Variants in GALNT13 observed in about 807,000 individuals in gnomAD.
GALNT13 encodes polypeptide N-acetylgalactosaminyltransferase 13, also known as UDP-GalNAc:polypeptide N-acetylgalactosaminyltransferase 13.
Under a neutral mutation model 64.2 loss-of-function variants are expected in GALNT13, and 28 were observed. The ratio of observed to expected loss-of-function variants is 0.44; its 90% CI spans 0.32 to 0.60. GALNT13 has a LOEUF of 0.60. Among genes scored for constraint, GALNT13 ranks in the 20% least tolerant of loss-of-function variants. The pLI, the probability that GALNT13 is intolerant of heterozygous loss-of-function variation, is 0.05. For synonymous variants in GALNT13, 214 were observed against 224.6 expected (o/e 0.95, Z 0.42); for missense variants, 577 against 669.8 (o/e 0.86, Z 1.53).
intron 9 of GALNT13, among the ~76,000 whole-genome samples, chr2:154,317,024 C>G (rs183379983): frequency 3.9e-4 from 59 of 152,012 alleles, no homozygotes; most frequent in African/African-American, 1.4e-3. Context: ...AGCAGCCTGG[C>G]CAACATGGTG....
chr2:153,387,288 T>C, the GALNT13 span, among the ~76,000 whole-genome samples: 2 of 152,088 alleles, frequency 1.3e-5, no homozygotes, highest in African/African-American at 4.8e-5. Context: ...ATGATCGACT[T>C]AAACAATAAG....
chr2:153,214,900 TA>T, the GALNT13 span, among the ~76,000 whole-genome samples: 1 of 152,204 alleles, frequency 6.6e-6, no homozygotes, highest in African/African-American at 2.4e-5. Flanking sequence ...GAAAATCACC[TA>T]AAAACTCTTG....
At chr2:154,025,150 T>C (rs1377811143) in intron 3 of GALNT13, among the ~76,000 whole-genome samples, 3 of 152,222 alleles carry the variant, frequency 2.0e-5, no homozygotes, top group East Asian at 3.9e-4. Context: ...ATGGACCCAC[T>C]TGAGGAGGCA....
chr2:154,022,144 G>T (rs951810632), intron 3 of GALNT13, among the ~76,000 whole-genome samples: 1 of 152,130 alleles, frequency 6.6e-6, no homozygotes, highest in African/African-American at 2.4e-5. Context: ...TGTTCATCAA[G>T]GATATTGGTC....
chr2:153,819,088 T>A, the GALNT13 span, among the ~76,000 whole-genome samples: 2 of 152,072 alleles, frequency 1.3e-5, no homozygotes, highest in African/African-American at 4.8e-5. Flanking sequence ...CATCTGATCA[T>A]TTCTCCCAGG....
chr2:153,737,195 G>A, the GALNT13 span, among the ~76,000 whole-genome samples: 2 of 152,172 alleles, frequency 1.3e-5, no homozygotes, highest in Non-Finnish European at 2.9e-5. Flanking sequence ...AAGGGAGAAA[G>A]GGTAATAGGA....
At chr2:153,354,624 T>C in the GALNT13 span, among the ~76,000 whole-genome samples, 887 of 152,288 alleles carry the variant, frequency 5.8e-3, 9 homozygotes, top group African/African-American at 0.02. Context: ...TCAGTAGTTA[T>C]GAGTCACTCT....
the GALNT13 span, among the ~76,000 whole-genome samples, chr2:153,712,591 G>A: frequency 2.0e-5 from 3 of 152,124 alleles, no homozygotes; most frequent in Non-Finnish European, 2.9e-5. Flanking sequence ...TTTTTGCCTG[G>A]TGATCTGTGT....
chr2:153,111,330 T>TA, the GALNT13 span, among the ~76,000 whole-genome samples: 20 of 150,578 alleles, frequency 1.3e-4, no homozygotes, highest in Non-Finnish European at 2.1e-4. Flanking sequence ...GTTTTCATTT[T>TA]AAAAAAAAAC....
At chr2:154,085,721 A>G (rs1701488219) in intron 3 of GALNT13, among the ~76,000 whole-genome samples, 2 of 151,994 alleles carry the variant, frequency 1.3e-5, no homozygotes, top group South Asian at 4.1e-4. Flanking sequence ...TTCATTCCTC[A>G]CTGACCGATT....
At chr2:153,424,888 T>C in the GALNT13 span, among the ~76,000 whole-genome samples, 4 of 151,828 alleles carry the variant, frequency 2.6e-5, no homozygotes, top group African/African-American at 2.4e-5. Flanking sequence ...TAACAAACCA[T>C]TGTTTATTCA....
the GALNT13 span, among the ~76,000 whole-genome samples, chr2:153,446,089 A>C: frequency 5.9e-5 from 9 of 152,336 alleles, no homozygotes; most frequent in African/African-American, 2.2e-4. Flanking sequence ...TTAAAAAAGA[A>C]TTAGAGTCTG....
the GALNT13 span, among the ~76,000 whole-genome samples, chr2:153,647,051 A>G: frequency 6.6e-6 from 1 of 152,182 alleles, no homozygotes; most frequent in African/African-American, 2.4e-5. Context: ...TGACTTCCAC[A>G]AAGGTTGAAC....
chr2:154,291,757 G>C (rs573249199), intron 8 of GALNT13, among the ~76,000 whole-genome samples: 1 of 152,260 alleles, frequency 6.6e-6, no homozygotes, highest in African/African-American at 2.4e-5. Context: ...ACAGCACAGC[G>C]GCCTGCTGAA....
intron 7 of GALNT13, among the ~76,000 whole-genome samples, chr2:154,252,395 A>G (rs113168435): frequency 0.021 from 3,140 of 150,190 alleles, 80 homozygotes; most frequent in African/African-American, 0.064. Context: ...TCGCTCTGTC[A>G]CCCAGGCTGG....
At chr2:154,009,639 A>G (rs375964674) in intron 3 of GALNT13, among the ~76,000 whole-genome samples, 1 of 151,804 alleles carries the variant, frequency 6.6e-6, no homozygotes, top group African/African-American at 2.4e-5. Context: ...TACATGTGCC[A>G]CCACCATGAC....
At chr2:154,055,063 G>T (rs1197279044) in intron 3 of GALNT13, among the ~76,000 whole-genome samples, 1 of 151,366 alleles carries the variant, frequency 6.6e-6, no homozygotes, top group Non-Finnish European at 1.5e-5. Context: ...GTTTGATCAA[G>T]AATCTAGGCT....
At chr2:153,537,450 C>T in the GALNT13 span, among the ~76,000 whole-genome samples, 3 of 152,154 alleles carry the variant, frequency 2.0e-5, no homozygotes, top group African/African-American at 7.2e-5. Flanking sequence ...AGTGCATCCT[C>T]TGTCTTGGGT....
At chr2:153,725,799 A>G in the GALNT13 span, among the ~76,000 whole-genome samples, 4 of 113,034 alleles carry the variant, frequency 3.5e-5, no homozygotes, top group East Asian at 1.1e-3. Flanking sequence ...TCATATGAAA[A>G]AAGAAGTGTT....
Sources: allele counts gnomAD v4.1 joint callset (sites outside exome capture counted in the v4.1 genomes callset), GRCh38; gene constraint gnomAD v4.1.1; transcripts MANE v1.5; gene names NCBI Gene and HGNC (gene_info 2026-07-23, HGNC 2026-07-21).